Variants in LRBA observed in about 807,000 individuals in gnomAD.
The protein encoded by LRBA is LPS responsive beige-like anchor protein.
LRBA carries 176 observed loss-of-function variants against 330.0 expected under a neutral mutation model. The ratio of observed to expected loss-of-function variants is 0.53; its 90% CI spans 0.47 to 0.60. LRBA has a LOEUF of 0.60. Ranked by LOEUF, LRBA falls within the 20% of genes least tolerant of loss-of-function variation. The pLI is 0.00. For synonymous variants in LRBA, 1,230 were observed against 1,193.0 expected (o/e 1.03, Z -0.64); for missense variants, 3,259 against 3,444.8 (o/e 0.95, Z 1.35).
Position 150,852,260 on chromosome 4 carries a change from A to C in LRBA, c.3450T>G (p.Asn1150Lys). The change falls in exon 23 of 57, where the codon AAT becomes AAG. Residue 1150 changes from asparagine to lysine, a missense_variant. Asn to Lys is a moderately conservative substitution (Grantham distance 94). Transcript: ENST00000651943. ...EAGEKLDMFG[N>K]DDKLIFQEGK... Reference sequence around the variant, plus strand: ...CTTCTTGAAATATTAATTTGTCATCATTACCAAACATGTCCAGTTTTTCAC... The same window carrying C: ...CTTCTTGAAATATTAATTTGTCATCCTTACCAAACATGTCCAGTTTTTCAC... The C allele has an allele frequency of 6.2e-7, 1 of 1,614,108 alleles. No homozygotes were observed. Among genetic ancestry groups the C allele is most frequent in the Non-Finnish European group, 8.5e-7 (1 of 1,179,992 alleles).
At chr4:150,734,412 G>A (rs1055176117) in intron 36 of LRBA, among the ~76,000 whole-genome samples, 1 of 151,914 alleles carries the variant, frequency 6.6e-6, no homozygotes, top group African/African-American at 2.4e-5. Context: ...GTCTTCTAGA[G>A]TTTTATTTTT....
intron 39 of LRBA, among the ~76,000 whole-genome samples, chr4:150,588,689 C>T (rs1365804127): frequency 6.6e-6 from 1 of 152,154 alleles, no homozygotes; most frequent in Non-Finnish European, 1.5e-5. Flanking sequence ...AGATTTTATG[C>T]CAGCTTGACA....
At chr4:150,586,083 TCAAA>T (rs1394114454) in intron 40 of LRBA, among the ~76,000 whole-genome samples, 2 of 152,344 alleles carry the variant, frequency 1.3e-5, no homozygotes, top group African/African-American at 4.8e-5. Flanking sequence ...ATTAAGTGGC[TCAAA>T]CAAACAAATT....
chr4:150,879,583 C>T (rs1266971233), intron 17 of LRBA, among the ~76,000 whole-genome samples: 1 of 152,116 alleles, frequency 6.6e-6, no homozygotes. Context: ...AACTCTCTCT[C>T]TTCATGACAA....
chr4:150,934,331 T>C (rs1294671812), intron 2 of LRBA, among the ~76,000 whole-genome samples: 7 of 152,220 alleles, frequency 4.6e-5, no homozygotes, highest in East Asian at 1.9e-4. Context: ...TGGCTAGCTA[T>C]TGGCCTTCAT....
intron 52 of LRBA, 55 bp from the exon 53 acceptor site, chr4:150,302,847 G>C: frequency 3.0e-6 from 4 of 1,328,586 alleles, no homozygotes; most frequent in Non-Finnish European, 4.1e-6. Context: ...AAAAATTCTA[G>C]TGAACAGATA....
intron 46 of LRBA, among the ~76,000 whole-genome samples, chr4:150,416,490 T>C (rs1317704952): frequency 1.3e-5 from 2 of 152,198 alleles, no homozygotes; most frequent in Non-Finnish European, 2.9e-5. Flanking sequence ...CCATGATCCA[T>C]GTGAAATGTT....
At chr4:150,519,154 A>T (rs2152158833) in intron 40 of LRBA, among the ~76,000 whole-genome samples, 1 of 152,308 alleles carries the variant, frequency 6.6e-6, no homozygotes, top group East Asian at 1.9e-4. Flanking sequence ...TGCACATTTA[A>T]GAATTAAAAT....
intron 36 of LRBA, chr4:150,721,223 A>C: frequency 2.2e-6 from 1 of 448,918 alleles, no homozygotes; most frequent in Non-Finnish European, 4.2e-6. Context: ...TAGAAACCCA[A>C]GAAGTTTCTA....
At chr4:150,550,745 C>CATT (rs1766481519) in intron 40 of LRBA, among the ~76,000 whole-genome samples, 1 of 152,186 alleles carries the variant, frequency 6.6e-6, no homozygotes, top group Admixed American at 6.5e-5. Context: ...TAATAAATCA[C>CATT]TGTTTTTAGG....
chr4:150,829,390 T>G (rs962757850), intron 29 of LRBA, among the ~76,000 whole-genome samples: 1 of 152,234 alleles, frequency 6.6e-6, no homozygotes, highest in African/African-American at 2.4e-5. Flanking sequence ...CTTTTAATTC[T>G]CACTCCCTTT....
intron 33 of LRBA, among the ~76,000 whole-genome samples, chr4:150,805,790 T>C (rs1281166253): frequency 3.3e-5 from 5 of 151,990 alleles, no homozygotes; most frequent in African/African-American, 9.7e-5. Flanking sequence ...GCTATCTAGT[T>C]TGACAATCTC....
Position 150,864,968 on chromosome 4 carries a change from C to T in LRBA, c.2766+2703G>A, listed in dbSNP as rs117739530. The stretch of plus-strand genomic sequence containing the variant: ...CAAGGTCTTTAGGTTATACTTTTAA[C>T]AACGATTGCTTTAAAGTTTATACTC... On this transcript the variant is annotated intron_variant, in intron 22 of 56. Transcript: ENST00000651943. Among the ~76,000 whole-genome samples the T allele has an allele frequency of 1.2e-3, 189 of 152,212 alleles. 1 individual carries two copies. Among genetic ancestry groups the T allele is most frequent in the Admixed American group, 9.2e-3 (141 of 15,286 alleles).
intron 28 of LRBA, among the ~76,000 whole-genome samples, chr4:150,835,111 T>C (rs1331342208): frequency 6.6e-6 from 1 of 152,144 alleles, no homozygotes; most frequent in Admixed American, 6.5e-5. Flanking sequence ...GATCAGATAG[T>C]TGTAGATGTG....
intron 37 of LRBA, among the ~76,000 whole-genome samples, chr4:150,602,569 A>T (rs1399141091): frequency 6.6e-6 from 1 of 152,112 alleles, no homozygotes; most frequent in Admixed American, 6.5e-5. Context: ...ATAACGCTCT[A>T]CCACACACAC....
chr4:150,422,789 G>C, intron 46 of LRBA: 1 of 1,456,280 alleles, frequency 6.9e-7, no homozygotes, highest in Non-Finnish European at 9.6e-7. Flanking sequence ...CTTTCTGGTA[G>C]ACCTGCATGT....
chr4:150,286,338 G>A (rs980190587), intron 53 of LRBA, among the ~76,000 whole-genome samples: 5 of 152,148 alleles, frequency 3.3e-5, no homozygotes, highest in African/African-American at 1.2e-4. Flanking sequence ...TCAATTAGAT[G>A]TTTTATGGTC....
intron 17 of LRBA, among the ~76,000 whole-genome samples, chr4:150,891,330 C>A (rs190377211): frequency 8.5e-5 from 13 of 152,182 alleles, no homozygotes; most frequent in African/African-American, 3.1e-4. Flanking sequence ...TGTTTGACAG[C>A]AAAACTATAA....
At chr4:150,900,278 C>A in intron 13 of LRBA, 61 bp from the exon 14 acceptor site, 1 of 1,230,596 alleles carries the variant, frequency 8.1e-7, no homozygotes, top group South Asian at 1.5e-5. Context: ...TTTCCAGTAA[C>A]ACTTCCAGGC....
Sources: allele counts gnomAD v4.1 joint callset (sites outside exome capture counted in the v4.1 genomes callset), GRCh38; gene constraint gnomAD v4.1.1; transcripts MANE v1.5; gene names NCBI Gene and HGNC (gene_info 2026-07-23, HGNC 2026-07-21).